PDE10A: variants seen among roughly 807,000 people sequenced by gnomAD.
PDE10A encodes the protein phosphodiesterase 10A, also known as cAMP and cAMP-inhibited cGMP 3',5'-cyclic phosphodiesterase 10A.
A neutral mutation model predicts 97.7 loss-of-function variants in PDE10A; 39 were observed. That is an observed-to-expected ratio of 0.40 (90% CI 0.31 to 0.52). PDE10A has a LOEUF of 0.52. Ranked by LOEUF, PDE10A falls within the 20% of genes least tolerant of loss-of-function variation. PDE10A has a pLI of 0.56. For synonymous variants in PDE10A, 371 were observed against 376.8 expected, an observed-to-expected ratio of 0.98 and a Z score of 0.18; for missense variants, 731 against 1,047.8, an observed-to-expected ratio of 0.70 and a Z score of 4.17.
chr6:165,374,755 G>GTTTT (rs67030054), intron 18 of PDE10A, among the ~76,000 whole-genome samples: 2 of 141,322 alleles, frequency 1.4e-5, no homozygotes. Flanking sequence ...CATGTTTTTG[G>GTTTT]TTTTTTTTTT....
chr6:165,843,760 A>C (rs1277148910), intron 1 of PDE10A, among the ~76,000 whole-genome samples: 1 of 152,236 alleles, frequency 6.6e-6, no homozygotes, highest in African/African-American at 2.4e-5. Context: ...CGACAGGTGC[A>C]GAGAAAATAA....
intron 1 of PDE10A, chr6:165,780,218 G>A (rs985069529): frequency 6.6e-6 from 1 of 152,098 alleles, no homozygotes; most frequent in African/African-American, 2.4e-5. Context: ...GTGTAAAAAT[G>A]CAATAAAACA....
chr6:165,346,596 CAGA>C (rs1017639412), intron 18 of PDE10A, among the ~76,000 whole-genome samples: 2 of 152,116 alleles, frequency 1.3e-5, no homozygotes, highest in African/African-American at 4.8e-5. Context: ...CTTCCCACAT[CAGA>C]AGATCATGGA....
intron 1 of PDE10A, among the ~76,000 whole-genome samples, chr6:165,559,141 C>A (rs1483250943): frequency 1.3e-5 from 2 of 152,058 alleles, no homozygotes; most frequent in Non-Finnish European, 1.5e-5. Flanking sequence ...GGCAGTTATG[C>A]TAGAACATGA....
At chr6:165,800,297 G>T (rs34602707) in intron 1 of PDE10A, among the ~76,000 whole-genome samples, 1 of 152,118 alleles carries the variant, frequency 6.6e-6, no homozygotes, top group African/African-American at 2.4e-5. Context: ...TACTAAAGGG[G>T]CATTTTATGT....
At chr6:165,938,730 C>G (rs1783418899) in intron 1 of PDE10A, among the ~76,000 whole-genome samples, 1 of 151,734 alleles carries the variant, frequency 6.6e-6, no homozygotes, top group Non-Finnish European at 1.5e-5. Context: ...CAGTGAGCAA[C>G]AACATCAAAA....
chr6:165,483,743 G>A (rs1232645212), intron 2 of PDE10A, among the ~76,000 whole-genome samples: 2 of 152,156 alleles, frequency 1.3e-5, no homozygotes, highest in Non-Finnish European at 2.9e-5. Context: ...GAGTCACCTA[G>A]CTATGACATT....
intron 1 of PDE10A, among the ~76,000 whole-genome samples, chr6:165,817,298 C>T (rs1409133964): frequency 6.6e-6 from 1 of 152,162 alleles, no homozygotes; most frequent in African/African-American, 2.4e-5. Context: ...CTGGGAAAGA[C>T]ATTCACTGGC....
intron 16 of PDE10A, among the ~76,000 whole-genome samples, chr6:165,389,351 G>A (rs1439120977): frequency 6.6e-6 from 1 of 152,216 alleles, no homozygotes; most frequent in East Asian, 1.9e-4. Context: ...GAGGCAAAAT[G>A]TAATAGAGCT....
chr6:165,623,135 G>A (rs1476093243), intron 1 of PDE10A, among the ~76,000 whole-genome samples: 3 of 152,126 alleles, frequency 2.0e-5, no homozygotes, highest in Admixed American at 1.3e-4. Context: ...AAATCACCCA[G>A]TCTCAGGTGT....
At position 165,824,896 on chromosome 6, in the gene PDE10A, G is replaced by A. The variant is rs555114734; in HGVS notation, c.-615+162633C>T. 6.7e-5 allele frequency among the ~76,000 whole-genome samples: 10 copies of A among 150,016 alleles called. No individual in the cohort carries two copies. The South Asian group carries it at 2.1e-3, about 31-fold the overall frequency. The stretch of plus-strand genomic sequence containing the variant: ...TGTAATCCCAGCACTTTGGGAGGCC[G>A]AGGCAGGTGGATCCACCTAAGTTCA... On this transcript the variant is annotated intron_variant, in intron 1 of 19. Transcript: ENST00000366882.
At chr6:165,952,603 G>A (rs181391360) in intron 1 of PDE10A, among the ~76,000 whole-genome samples, 180 of 152,258 alleles carry the variant, frequency 1.2e-3, no homozygotes, top group South Asian at 3.9e-3. Context: ...GAAAACTCAC[G>A]GGAGGACTAA....
chr6:165,987,006 C>A (rs1203257761), intron 1 of PDE10A, among the ~76,000 whole-genome samples: 1 of 151,774 alleles, frequency 6.6e-6, no homozygotes, highest in Non-Finnish European at 1.5e-5. Context: ...GCGGCAGAGG[C>A]GAGGATCAAA....
intron 1 of PDE10A, among the ~76,000 whole-genome samples, chr6:165,727,318 G>GCA (rs1246700487): frequency 6.6e-6 from 1 of 152,220 alleles, no homozygotes; most frequent in Non-Finnish European, 1.5e-5. Flanking sequence ...TGGCTCACAA[G>GCA]CTTATGTGAG....
rs1583280520 is a variant in PDE10A at position 165,435,264 on chromosome 6, T to C, written c.1308A>G (p.Lys436=). Residue 436 remains lysine (K), a synonymous_variant, in exon 6 of 22, where the codon AAA becomes AAG. Transcript: ENST00000539869. The part of the protein sequence containing the change: ...TVSAYVAKSR[K]TLLVEDILGD... ...CAAGGATGTCTTCTACTAGCAGTGT[T>C]TTCCTGGACTTGGCCACATAAGCAG... 6.2e-7 allele frequency: 1 copy of C among 1,614,052 alleles called. No individual in the cohort carries two copies. Among genetic ancestry groups the C allele is most frequent in the Non-Finnish European group, 8.5e-7 (1 of 1,179,946 alleles).
chr6:165,576,841 CAGTT>C (rs1423273747), intron 1 of PDE10A, among the ~76,000 whole-genome samples: 1 of 152,236 alleles, frequency 6.6e-6, no homozygotes, highest in East Asian at 1.9e-4. Flanking sequence ...TTTGTTCAGA[CAGTT>C]AGCCATCATT....
chr6:165,404,603 G>A (rs962823399), intron 13 of PDE10A, among the ~76,000 whole-genome samples: 14 of 152,128 alleles, frequency 9.2e-5, no homozygotes, highest in Non-Finnish European at 1.9e-4. Flanking sequence ...ATATATCTGA[G>A]CATGAGGGTC....
At chr6:165,880,188 A>G (rs1056953583) in intron 1 of PDE10A, among the ~76,000 whole-genome samples, 1 of 152,234 alleles carries the variant, frequency 6.6e-6, no homozygotes, top group African/African-American at 2.4e-5. Context: ...CCACTCTGCC[A>G]GACGGCATCT....
intron 1 of PDE10A, among the ~76,000 whole-genome samples, chr6:165,839,781 T>C (rs962208773): frequency 3.1e-5 from 3 of 97,374 alleles, no homozygotes; most frequent in Non-Finnish European, 6.9e-5. Context: ...CCCATCTGCA[T>C]CTGTCTCCAT....
Sources: gnomAD v4.1 joint callset for allele counts (sites outside exome capture counted in the v4.1 genomes callset) on GRCh38, gnomAD v4.1.1 for gene constraint, MANE v1.5 for transcripts, NCBI Gene and HGNC (gene_info 2026-07-23, HGNC 2026-07-21) for gene names.